The following SUGCT variants were observed in gnomAD, a reference collection of about 807,000 sequenced individuals.
SUGCT encodes succinyl-CoA:glutarate-CoA transferase.
Under a neutral mutation model 55.0 loss-of-function variants are expected in SUGCT, and 41 were observed. The observed-to-expected ratio is 0.74, with a 90% CI of 0.58 to 0.97. The LOEUF is 0.97. Among genes scored for constraint, SUGCT ranks in the 50% least tolerant of loss-of-function variants. The probability of loss-of-function intolerance (pLI) is 0.00; values close to 1 mark genes in which losing one functional copy is unlikely to be tolerated. For missense variants in SUGCT, 568 were observed against 547.8 expected (o/e 1.04, Z -0.37); for synonymous variants, 187 against 200.4 (o/e 0.93, Z 0.56).
At chr7:40,895,923 T>C in the SUGCT span, among the ~76,000 whole-genome samples, 4 of 152,196 alleles carry the variant, frequency 2.6e-5, no homozygotes, top group Non-Finnish European at 4.4e-5. Flanking sequence ...TGAAAACTTT[T>C]CCCCTAGGAT....
chr7:40,787,793 G>GA (rs1790098292), intron 13 of SUGCT, among the ~76,000 whole-genome samples: 1 of 151,500 alleles, frequency 6.6e-6, no homozygotes, highest in South Asian at 2.1e-4. Flanking sequence ...AACACCACAG[G>GA]AAAAAACGGC....
At chr7:40,534,840 A>G (rs1794278031) in intron 12 of SUGCT, among the ~76,000 whole-genome samples, 1 of 152,232 alleles carries the variant, frequency 6.6e-6, no homozygotes, top group Non-Finnish European at 1.5e-5. Flanking sequence ...AATGTTTTCG[A>G]CTATAAGTTT....
chr7:40,648,155 G>A lies in SUGCT; in HGVS notation c.1090-101279G>A, dbSNP rs140074107. On this transcript the variant is annotated intron_variant, in intron 12 of 13. Transcript: ENST00000335693. ...TGAAGATGAAACTAATAATCATCTC[G>A]TCCTACCAACAAAGTCAATGATGAT... 4.1e-3 allele frequency among the ~76,000 whole-genome samples: 619 copies of A among 152,088 alleles called. 8 individuals are homozygous for A. Among genetic ancestry groups the A allele is most frequent in the East Asian group, 0.03 (157 of 5,180 alleles).
chr7:40,943,181 G>T, the SUGCT span, among the ~76,000 whole-genome samples: 3 of 151,350 alleles, frequency 2.0e-5, no homozygotes, highest in Non-Finnish European at 2.9e-5. Flanking sequence ...TCTAATTTGG[G>T]TTGATGATTT....
intron 12 of SUGCT, among the ~76,000 whole-genome samples, chr7:40,570,877 T>TTTTTTTTTTTTTC (rs1796412009): frequency 7.3e-6 from 1 of 136,312 alleles, no homozygotes. Context: ...TTTTTTTTTT[T>TTTTTTTTTTTTTC]CAGTTGGAGC....
chr7:40,884,600 G>A, the SUGCT span, among the ~76,000 whole-genome samples: 3 of 152,102 alleles, frequency 2.0e-5, no homozygotes, highest in African/African-American at 4.8e-5. Context: ...ATTTTTTCCC[G>A]CATTTTTCAA....
chr7:40,963,649 A>G, the SUGCT span, among the ~76,000 whole-genome samples: 1 of 152,234 alleles, frequency 6.6e-6, no homozygotes, highest in Non-Finnish European at 1.5e-5. Context: ...ATTCTATGGC[A>G]TAAATATGGG....
At chr7:40,668,918 T>A (rs1801787423) in intron 12 of SUGCT, among the ~76,000 whole-genome samples, 1 of 152,138 alleles carries the variant, frequency 6.6e-6, no homozygotes, top group Admixed American at 6.5e-5. Context: ...CAGGGTATAA[T>A]GAGACACTCC....
intron 12 of SUGCT, among the ~76,000 whole-genome samples, chr7:40,632,987 G>C (rs946431386): frequency 6.6e-6 from 1 of 152,114 alleles, no homozygotes; most frequent in Admixed American, 6.6e-5. Flanking sequence ...GCTTCTAGTG[G>C]TACCACATTC....
At chr7:40,446,619 T>C (rs1788853916) in intron 9 of SUGCT, among the ~76,000 whole-genome samples, 1 of 152,190 alleles carries the variant, frequency 6.6e-6, no homozygotes, top group Non-Finnish European at 1.5e-5. Flanking sequence ...AAAACCTTTT[T>C]ATAATGTATT....
intron 1 of SUGCT, among the ~76,000 whole-genome samples, chr7:40,144,091 A>G (rs2150584911): frequency 6.6e-6 from 1 of 152,336 alleles, no homozygotes; most frequent in African/African-American, 2.4e-5. Flanking sequence ...ACTGGGGGGC[A>G]AGACTCCTGG....
At chr7:40,428,522 C>CTG (rs56017526) in intron 9 of SUGCT, among the ~76,000 whole-genome samples, 3,068 of 149,234 alleles carry the variant, frequency 0.021, 95 homozygotes, top group African/African-American at 0.066. Context: ...TCTGTCTCTG[C>CTG]TGTGTGTGTG....
At chr7:40,308,365 A>C (rs1226093308) in intron 8 of SUGCT, among the ~76,000 whole-genome samples, 1 of 152,200 alleles carries the variant, frequency 6.6e-6, no homozygotes, top group Non-Finnish European at 1.5e-5. Context: ...TGACGAATTA[A>C]GTATTAACAT....
intron 9 of SUGCT, among the ~76,000 whole-genome samples, chr7:40,411,212 G>A (rs1046484329): frequency 6.6e-6 from 1 of 152,128 alleles, no homozygotes; most frequent in Non-Finnish European, 1.5e-5. Context: ...GGCCAACATG[G>A]TGAAACCCCA....
At chr7:40,823,500 CAT>C (rs1792136973) in intron 13 of SUGCT, among the ~76,000 whole-genome samples, 1 of 152,202 alleles carries the variant, frequency 6.6e-6, no homozygotes, top group Middle Eastern at 3.4e-3. Context: ...TGTCGTTTCA[CAT>C]GTGTACTCAG....
chr7:40,139,752 ATT>A (rs1787886349), intron 1 of SUGCT, among the ~76,000 whole-genome samples: 2 of 151,790 alleles, frequency 1.3e-5, no homozygotes, highest in African/African-American at 4.8e-5. Flanking sequence ...CCATTTGCCT[ATT>A]TTTGTTTTTG....
At chr7:40,880,899 G>T in the SUGCT span, among the ~76,000 whole-genome samples, 49 of 152,292 alleles carry the variant, frequency 3.2e-4, no homozygotes, top group African/African-American at 1.1e-3. Context: ...GATCCTCTGG[G>T]CAACAGCTTA....
At chr7:40,352,767 C>T (rs1189916161) in intron 9 of SUGCT, among the ~76,000 whole-genome samples, 1 of 152,054 alleles carries the variant, frequency 6.6e-6, no homozygotes, top group African/African-American at 2.4e-5. Flanking sequence ...GGTAGAATGA[C>T]GTATGTATTC....
intron 1 of SUGCT, among the ~76,000 whole-genome samples, chr7:40,180,366 C>A (rs2150705720): frequency 6.6e-6 from 1 of 152,176 alleles, no homozygotes; most frequent in East Asian, 1.9e-4. Context: ...GATCCACCCG[C>A]CTCCGCCTCC....
Sources: allele counts gnomAD v4.1 joint callset (sites outside exome capture counted in the v4.1 genomes callset), GRCh38; gene constraint gnomAD v4.1.1; transcripts MANE v1.5; gene names NCBI Gene and HGNC (gene_info 2026-07-23, HGNC 2026-07-21).